The following BMPR1B variants were observed in gnomAD, a reference collection of about 807,000 sequenced individuals.
BMPR1B encodes bone morphogenetic protein receptor type 1B.
A neutral mutation model predicts 59.1 loss-of-function variants in BMPR1B; 12 were observed. That is an observed-to-expected ratio of 0.20 (90% CI 0.13 to 0.33). The LOEUF is 0.33. Among genes scored for constraint, BMPR1B ranks in the 10% least tolerant of loss-of-function variants. The pLI is 1.00. For missense variants in BMPR1B, 550 were observed against 610.9 expected (o/e 0.90, Z 1.05); for synonymous variants, 237 against 207.3 (o/e 1.14, Z -1.23).
chr4:94,802,525 G>C (rs1723447863), intron 1 of BMPR1B, among the ~76,000 whole-genome samples: 1 of 152,162 alleles, frequency 6.6e-6, no homozygotes, highest in African/African-American at 2.4e-5. Flanking sequence ...CATTTTTGCT[G>C]AACTTTAAGG....
intron 3 of BMPR1B, among the ~76,000 whole-genome samples, chr4:95,081,860 A>G (rs1729166569): frequency 6.6e-6 from 1 of 152,204 alleles, no homozygotes; most frequent in South Asian, 2.1e-4. Context: ...GCAGAAGCAA[A>G]CATCCAGTTT....
At chr4:94,999,427 C>CAT (rs1553925399) in intron 3 of BMPR1B, among the ~76,000 whole-genome samples, 1 of 148,428 alleles carries the variant, frequency 6.7e-6, no homozygotes, top group African/African-American at 2.5e-5. Flanking sequence ...CAGTGTTGTG[C>CAT]GTGTGTGTGT....
chr4:95,044,902 T>TCA (rs1725927613), intron 3 of BMPR1B, among the ~76,000 whole-genome samples: 1 of 152,168 alleles, frequency 6.6e-6, no homozygotes, highest in Non-Finnish European at 1.5e-5. Flanking sequence ...GAGTAGTTTT[T>TCA]TATGATAGTA....
chr4:94,772,220 G>A (rs1722211976), intron 1 of BMPR1B, among the ~76,000 whole-genome samples: 1 of 152,208 alleles, frequency 6.6e-6, no homozygotes, highest in African/African-American at 2.4e-5. Context: ...TCATCTGCCA[G>A]CCAGCCAGTG....
At chr4:95,070,168 A>T (rs1728170976) in intron 3 of BMPR1B, among the ~76,000 whole-genome samples, 1 of 152,200 alleles carries the variant, frequency 6.6e-6, no homozygotes, top group Non-Finnish European at 1.5e-5. Context: ...TGGTGTAAAG[A>T]AGGCTAAAGG....
At chr4:95,027,708 G>A (rs1356447628) in intron 3 of BMPR1B, among the ~76,000 whole-genome samples, 1 of 152,082 alleles carries the variant, frequency 6.6e-6, no homozygotes, top group African/African-American at 2.4e-5. Context: ...TTTACTTTTA[G>A]TGTTGTACTT....
intron 1 of BMPR1B, among the ~76,000 whole-genome samples, chr4:94,779,900 A>G (rs1407769967): frequency 6.6e-6 from 1 of 152,094 alleles, no homozygotes; most frequent in Non-Finnish European, 1.5e-5. Context: ...TTATATTCAT[A>G]GTAAATGGAT....
At chr4:95,151,709 A>T (rs928712248) in intron 11 of BMPR1B, among the ~76,000 whole-genome samples, 1 of 152,180 alleles carries the variant, frequency 6.6e-6, no homozygotes, top group Non-Finnish European at 1.5e-5. Context: ...GAATTTAACG[A>T]TGTGATATAT....
intron 3 of BMPR1B, among the ~76,000 whole-genome samples, chr4:95,006,814 C>T (rs1156765112): frequency 2.0e-5 from 3 of 152,080 alleles, no homozygotes; most frequent in Admixed American, 2.0e-4. Context: ...GCTAGCATTA[C>T]AGGCATGAGC....
chr4:94,879,857 T>C (rs1490366423), intron 2 of BMPR1B, among the ~76,000 whole-genome samples: 1 of 152,138 alleles, frequency 6.6e-6, no homozygotes, highest in Non-Finnish European at 1.5e-5. Context: ...AGTTTGATAC[T>C]TTAAAAGAAA....
At chr4:94,967,701 C>G (rs2149072992) in intron 2 of BMPR1B, among the ~76,000 whole-genome samples, 1 of 152,202 alleles carries the variant, frequency 6.6e-6, no homozygotes, top group Admixed American at 6.5e-5. Context: ...CCAGGCTGGT[C>G]TCGAACTCCT....
At chr4:94,983,031 A>T (rs1721193931) in intron 2 of BMPR1B, among the ~76,000 whole-genome samples, 1 of 151,948 alleles carries the variant, frequency 6.6e-6, no homozygotes, top group Non-Finnish European at 1.5e-5. Flanking sequence ...TCACCTGAAT[A>T]CTAAAGATTG....
chr4:94,836,305 C>T (rs1724816619), intron 1 of BMPR1B, among the ~76,000 whole-genome samples: 1 of 151,126 alleles, frequency 6.6e-6, no homozygotes, highest in Admixed American at 6.6e-5. Context: ...AAATGGTATT[C>T]TAGTTCTAGA....
intron 2 of BMPR1B, among the ~76,000 whole-genome samples, chr4:94,932,923 A>T (rs1245806951): frequency 1.1e-4 from 16 of 152,020 alleles, no homozygotes; most frequent in Non-Finnish European, 2.4e-4. Flanking sequence ...TTTGTTAATG[A>T]CCTTACTTGA....
intron 3 of BMPR1B, among the ~76,000 whole-genome samples, chr4:94,999,371 G>A (rs1018256954): frequency 6.6e-6 from 1 of 151,698 alleles, no homozygotes; most frequent in African/African-American, 2.4e-5. Flanking sequence ...GTACATATTG[G>A]TAATAATAAT....
chr4:94,806,041 T>C (rs1272969546), intron 1 of BMPR1B, among the ~76,000 whole-genome samples: 1 of 152,194 alleles, frequency 6.6e-6, no homozygotes, highest in Non-Finnish European at 1.5e-5. Context: ...CCATATATAT[T>C]GGAATCCAGT....
Position 94,770,182 on chromosome 4 carries a change from G to GT in BMPR1B, c.-183+12117dup, listed in dbSNP as rs1215939344. The stretch of plus-strand genomic sequence containing the variant: ...TGTTTGAATTGTCCTTCGTTTCTGT[G>GT]TTTGTTTTTTTTTTTTTTTTTTGCG... On this transcript the variant is annotated intron_variant, in intron 1 of 12. Transcript: ENST00000515059. 9.6e-3 allele frequency among the ~76,000 whole-genome samples: 382 copies of GT among 39,894 alleles called. 17 individuals are homozygous for GT. Among genetic ancestry groups the GT allele is most frequent in the Non-Finnish European group, 0.015 (313 of 20,466 alleles). The allele number at this position is 39,894 out of a possible 152,430, so 26.2% of individuals were successfully genotyped here.
At chr4:94,922,187 C>T (rs11097447) in intron 2 of BMPR1B, among the ~76,000 whole-genome samples, 13,122 of 152,114 alleles carry the variant, frequency 0.086, 621 homozygotes, top group Non-Finnish European at 0.11. Context: ...GTTGCCCCAT[C>T]TGGTATTGAA....
intron 3 of BMPR1B, among the ~76,000 whole-genome samples, chr4:95,001,815 G>C (rs940327892): frequency 6.6e-6 from 1 of 151,948 alleles, no homozygotes; most frequent in Non-Finnish European, 1.5e-5. Flanking sequence ...AGTTTGTTTT[G>C]TACCTGTTAT....
Sources: gnomAD v4.1 joint callset for allele counts (sites outside exome capture counted in the v4.1 genomes callset) on GRCh38, gnomAD v4.1.1 for gene constraint, MANE v1.5 for transcripts, NCBI Gene and HGNC (gene_info 2026-07-23, HGNC 2026-07-21) for gene names.